Variants in GRM7 observed in about 807,000 individuals in gnomAD.
The protein encoded by GRM7 is metabotropic glutamate receptor 7.
GRM7 carries 35 observed loss-of-function variants against 84.5 expected under a neutral mutation model. That is an observed-to-expected ratio of 0.41 (90% CI 0.32 to 0.55). GRM7 has a LOEUF of 0.55. Among genes scored for constraint, GRM7 ranks in the 20% least tolerant of loss-of-function variants. The probability of loss-of-function intolerance (pLI) is 0.19; values close to 1 mark genes in which losing one functional copy is unlikely to be tolerated. For synonymous variants in GRM7, 487 were observed against 455.1 expected (o/e 1.07, Z -0.89); for missense variants, 1,003 against 1,194.6 (o/e 0.84, Z 2.36).
At chr3:7,230,946 G>A (rs1248150362) in intron 2 of GRM7, among the ~76,000 whole-genome samples, 2 of 152,168 alleles carry the variant, frequency 1.3e-5, no homozygotes, top group African/African-American at 4.8e-5. Flanking sequence ...TGGACCACCA[G>A]AAACAGCATT....
At chr3:6,898,295 G>A (rs777370476) in intron 1 of GRM7, among the ~76,000 whole-genome samples, 6 of 151,850 alleles carry the variant, frequency 4.0e-5, no homozygotes, top group African/African-American at 9.7e-5. Context: ...TGAATTGGGC[G>A]TGAAAGGAAA....
intron 1 of GRM7, among the ~76,000 whole-genome samples, chr3:6,885,858 C>T (rs1695672436): frequency 6.6e-6 from 1 of 152,138 alleles, no homozygotes; most frequent in East Asian, 1.9e-4. Context: ...CAAGAAATAT[C>T]ACTTATTGAA....
At chr3:7,619,400 TG>T (rs1364023730) in intron 8 of GRM7, among the ~76,000 whole-genome samples, 2 of 151,486 alleles carry the variant, frequency 1.3e-5, no homozygotes, top group East Asian at 3.9e-4. Context: ...TAAGGAGAAA[TG>T]GGCGGATTTC....
At chr3:7,055,310 A>G (rs1460979074) in intron 1 of GRM7, among the ~76,000 whole-genome samples, 2 of 151,736 alleles carry the variant, frequency 1.3e-5, no homozygotes, top group East Asian at 3.9e-4. Flanking sequence ...TAAGTTTCCA[A>G]ACAAGCTGGG....
chr3:7,192,677 T>C (rs1695748331), intron 2 of GRM7, among the ~76,000 whole-genome samples: 1 of 152,264 alleles, frequency 6.6e-6, no homozygotes, highest in African/African-American at 2.4e-5. Flanking sequence ...GCCTGTAATG[T>C]GTTCAAGCTA....
intron 4 of GRM7, among the ~76,000 whole-genome samples, chr3:7,349,631 C>G (rs1417800335): frequency 6.6e-6 from 1 of 152,106 alleles, no homozygotes; most frequent in Admixed American, 6.6e-5. Context: ...CCCTGGGGAA[C>G]TTTAGATAGT....
intron 8 of GRM7, among the ~76,000 whole-genome samples, chr3:7,666,383 A>G (rs986559709): frequency 6.6e-6 from 1 of 152,348 alleles, no homozygotes; most frequent in South Asian, 2.1e-4. Context: ...AATTCAAAAC[A>G]TAGCCAGGCC....
intron 2 of GRM7, among the ~76,000 whole-genome samples, chr3:7,260,673 TTGTGTGTGTGTG>T (rs71063292): frequency 6.9e-6 from 1 of 144,426 alleles, no homozygotes; most frequent in Non-Finnish European, 1.5e-5. Context: ...TTCTTTTGAA[TTGTGTGTGTGTG>T]TGTGTGTGTG....
At chr3:7,554,159 C>G (rs776406791) in intron 7 of GRM7, among the ~76,000 whole-genome samples, 2 of 152,166 alleles carry the variant, frequency 1.3e-5, no homozygotes, top group Non-Finnish European at 2.9e-5. Context: ...CATAGAAATA[C>G]CTATCATGGA....
chr3:6,879,402 G>C (rs899348081), intron 1 of GRM7, among the ~76,000 whole-genome samples: 1 of 152,102 alleles, frequency 6.6e-6, no homozygotes, highest in African/African-American at 2.4e-5. Flanking sequence ...GTTTTGTGGC[G>C]ATACATTTGA....
intron 4 of GRM7, among the ~76,000 whole-genome samples, chr3:7,411,783 A>C (rs1309135616): frequency 2.0e-5 from 3 of 152,188 alleles, no homozygotes; most frequent in Non-Finnish European, 2.9e-5. Context: ...ATTGTGGTAC[A>C]TGTGTGTAAA....
At chr3:7,713,151 T>TTTTA (rs1701650203) in intron 9 of GRM7, among the ~76,000 whole-genome samples, 3 of 135,446 alleles carry the variant, frequency 2.2e-5, no homozygotes, top group Admixed American at 7.3e-5. Flanking sequence ...TTTTTTTTTT[T>TTTTA]TGAGACAATC....
intron 1 of GRM7, among the ~76,000 whole-genome samples, chr3:6,948,198 G>A (rs377721178): frequency 6.6e-5 from 10 of 151,782 alleles, no homozygotes; most frequent in African/African-American, 1.7e-4. Flanking sequence ...ATTTAGTGCT[G>A]TAAATTTCCC....
At chr3:7,532,731 C>A (rs1701086434) in intron 7 of GRM7, among the ~76,000 whole-genome samples, 1 of 132,976 alleles carries the variant, frequency 7.5e-6, no homozygotes, top group African/African-American at 2.8e-5. Context: ...AATTTTAGAT[C>A]TTTCCTGATT....
intron 9 of GRM7, among the ~76,000 whole-genome samples, chr3:7,699,403 A>T (rs1289764494): frequency 6.6e-6 from 1 of 152,224 alleles, no homozygotes; most frequent in Non-Finnish European, 1.5e-5. Context: ...ATTTCAAACC[A>T]GGGGATATGT....
In GRM7 at chr3:7,540,490, T is replaced by C. The variant is rs564658053; in HGVS notation, c.1516-37932T>C. Among the ~76,000 whole-genome samples the C allele has an allele frequency of 1.4e-4, 21 of 152,276 alleles. No homozygotes were observed. The East Asian group carries it at 3.9e-3, about 28-fold the overall frequency. On this transcript the variant is annotated intron_variant, in intron 7 of 9. Transcript: ENST00000357716. The stretch of plus-strand genomic sequence containing the variant: ...AGTAGCTAGATACCCAAAAAACATA[T>C]ATGAATTCATTCATATAAAATGTCC...
At chr3:7,663,195 G>C (rs1271215900) in intron 8 of GRM7, among the ~76,000 whole-genome samples, 1 of 152,146 alleles carries the variant, frequency 6.6e-6, no homozygotes, top group Non-Finnish European at 1.5e-5. Context: ...GGGCAGAAGG[G>C]AGAGAATCAG....
At chr3:7,399,016 C>T (rs900543416) in intron 4 of GRM7, among the ~76,000 whole-genome samples, 1 of 151,964 alleles carries the variant, frequency 6.6e-6, no homozygotes, top group Non-Finnish European at 1.5e-5. Context: ...TATATATTTT[C>T]TATTGATGAT....
intron 1 of GRM7, among the ~76,000 whole-genome samples, chr3:7,107,964 G>A (rs554399175): frequency 1.3e-5 from 2 of 152,148 alleles, no homozygotes; most frequent in Admixed American, 1.3e-4. Flanking sequence ...AAATGTTTGA[G>A]AGTAAAAGCA....
Sources: gnomAD v4.1 joint callset for allele counts (sites outside exome capture counted in the v4.1 genomes callset) on GRCh38, gnomAD v4.1.1 for gene constraint, MANE v1.5 for transcripts, NCBI Gene and HGNC (gene_info 2026-07-23, HGNC 2026-07-21) for gene names.